YWHAG: variants seen among roughly 807,000 people sequenced by gnomAD.
The protein encoded by YWHAG is tyrosine 3-monooxygenase/tryptophan 5-monooxygenase activation protein gamma.
A neutral mutation model predicts 23.3 loss-of-function variants in YWHAG; 1 was observed. That is an observed-to-expected ratio of 0.04 (90% CI 0.02 to 0.20). The LOEUF (loss-of-function observed/expected upper bound fraction) is 0.20. Ranked by LOEUF, YWHAG falls within the 10% of genes least tolerant of loss-of-function variation. The pLI is 1.00. For missense variants in YWHAG, 151 were observed against 338.6 expected (o/e 0.45, Z 4.35); for synonymous variants, 160 against 144.0 (o/e 1.11, Z -0.80).
rs371142712 is a variant in YWHAG at position 76,327,678 on chromosome 7, C to A, written c.*1899G>T. 1.4e-4 allele frequency: 13 copies of A among 94,920 alleles called. No individual in the cohort carries two copies. Among genetic ancestry groups the A allele is most frequent in the Non-Finnish European group, 2.4e-4 (11 of 46,516 alleles). The allele number at this position is 94,920 out of a possible 1,614,324, so 5.9% of individuals were successfully genotyped here. On this transcript the variant is annotated 3_prime_UTR_variant, in exon 2 of 2. Transcript: ENST00000307630. ...AGCCCCACCTACCCTGCCCCCCCCC[C>A]CCTCCCCCCCCAAATCGTCTTCCTC...
At chr7:76,346,225 G>T (rs1324666260) in intron 1 of YWHAG, among the ~76,000 whole-genome samples, 1 of 152,120 alleles carries the variant, frequency 6.6e-6, no homozygotes, top group African/African-American at 2.4e-5. Context: ...TCCTCCCCTT[G>T]TCAGCCTTCT....
rs79269821 is a variant in YWHAG, at chr7:76,340,475, A to C, written c.88-10242T>G. Among the ~76,000 whole-genome samples the C allele has an allele frequency of 4.9e-3, 748 of 152,336 alleles. 7 individuals carry two copies. The highest frequency in any genetic ancestry group is 0.017 in the African/African-American group (703 of 41,566). ...TTTTTCTCTATCATGTTAAGAAAGT[A>C]TCCATTTAGTCCATATTTTTCTAAT... On this transcript the variant is annotated intron_variant, in intron 1 of 1. Coordinates refer to ENST00000307630, the MANE Select transcript of YWHAG (RefSeq NM_012479.4).
chr7:76,355,550 T>C (rs1311365584), intron 1 of YWHAG, among the ~76,000 whole-genome samples: 1 of 152,182 alleles, frequency 6.6e-6, no homozygotes, highest in African/African-American at 2.4e-5. Context: ...AGAATAATGG[T>C]TGGCAGAACT....
In YWHAG at chr7:76,329,836, T is replaced by C. The variant is rs547605838; in HGVS notation, c.485A>G (p.Lys162Arg). 5.5e-5 allele frequency: 89 copies of C among 1,613,818 alleles called. 3 individuals carry two copies. In the South Asian group the frequency reaches 9.4e-4, roughly 17 times the overall value. The change falls in exon 2 of 2, where the codon AAA (lysine) becomes AGA (arginine). Residue 162 changes from lysine (K) to arginine (R), a missense_variant. Transcript: ENST00000307630. This position sits in a 1 kb window ranked among gnomAD's most constrained non-coding sequence, Gnocchi z 6.1. ...KAYSEAHEISKEHMQPTHPIR... is the reference protein window; with the variant it reads ...KAYSEAHEISREHMQPTHPIR... ...GGGGTGGGTGGGCTGCATGTGCTCT[T>C]TGCTGATCTCGTGGGCTTCGCTGTA...
At chr7:76,335,001 A>G (rs1803596288) in intron 1 of YWHAG, among the ~76,000 whole-genome samples, 1 of 152,222 alleles carries the variant, frequency 6.6e-6, no homozygotes, top group South Asian at 2.1e-4. Flanking sequence ...GTTCTGCTTA[A>G]AAACAAAGTT....
At chr7:76,347,416 G>A (rs1043510537) in intron 1 of YWHAG, among the ~76,000 whole-genome samples, 6 of 152,110 alleles carry the variant, frequency 3.9e-5, no homozygotes, top group Non-Finnish European at 7.3e-5. Flanking sequence ...GACCAACATG[G>A]TGCAACCCTG....
intron 1 of YWHAG, among the ~76,000 whole-genome samples, chr7:76,356,898 G>C (rs1050946483): frequency 6.6e-6 from 1 of 152,124 alleles, no homozygotes; most frequent in South Asian, 2.1e-4. Context: ...GCTAATTTCT[G>C]CATTACCTTG....
chr7:76,351,508 G>A (rs887860537), intron 1 of YWHAG, among the ~76,000 whole-genome samples: 1 of 152,082 alleles, frequency 6.6e-6, no homozygotes, highest in African/African-American at 2.4e-5. Context: ...GGTCCCCAAC[G>A]GGTCCATGGC....
chr7:76,357,241 T>C (rs1803975028), intron 1 of YWHAG, among the ~76,000 whole-genome samples: 2 of 152,214 alleles, frequency 1.3e-5, no homozygotes, highest in African/African-American at 2.4e-5. Flanking sequence ...TTAACATAGC[T>C]GCTTTAAATA....
At chr7:76,336,223 C>A (rs904233488) in intron 1 of YWHAG, among the ~76,000 whole-genome samples, 1 of 152,160 alleles carries the variant, frequency 6.6e-6, no homozygotes, top group Admixed American at 6.5e-5. Context: ...CAGGTGGTGG[C>A]TACATGCCTC....
intron 1 of YWHAG, among the ~76,000 whole-genome samples, chr7:76,349,397 G>A (rs758876903): frequency 1.1e-4 from 16 of 148,266 alleles, no homozygotes; most frequent in South Asian, 2.1e-4. Context: ...GTCCAGACGC[G>A]TTTTGGTCAT....
intron 1 of YWHAG, among the ~76,000 whole-genome samples, chr7:76,341,404 CAAAAAAAAAAAAAAA>C (rs1158151013): frequency 4.5e-5 from 2 of 44,650 alleles, no homozygotes; most frequent in Non-Finnish European, 8.1e-5. Context: ...ACTCTTGCCT[CAAAAAAAAAAAAAAA>C]AAAAAAAAAA....
At chr7:76,348,829 C>T (rs1183961090) in intron 1 of YWHAG, among the ~76,000 whole-genome samples, 1 of 151,596 alleles carries the variant, frequency 6.6e-6, no homozygotes, top group African/African-American at 2.4e-5. Flanking sequence ...CGTGAGTCAG[C>T]CAGCCTCCCA....
rs1366063981 is a variant in YWHAG, at chr7:76,330,099, G to A, written c.222C>T (p.Gly74=). The A allele has an allele frequency of 6.2e-7, 1 of 1,614,018 alleles. No homozygotes were observed. The highest frequency in any genetic ancestry group is 1.7e-5 in the Admixed American group (1 of 60,012). Residue 74 remains glycine, a synonymous_variant, in exon 2 of 2, where the codon GGC becomes GGT. Transcript: ENST00000307630. ...SSIEQKTSAD[G]NEKKIEMVRA... is the part of the protein sequence containing the mutation. ...GGACCATCTCAATCTTCTTCTCATT[G>A]CCGTCTGCAGATGTCTTCTGCTCAA...
chr7:76,336,426 C>A (rs998504882), intron 1 of YWHAG, among the ~76,000 whole-genome samples: 12 of 150,354 alleles, frequency 8.0e-5, no homozygotes, highest in Admixed American at 4.6e-4. Context: ...TACTGTGAAT[C>A]CAAAACTGCT....
At chr7:76,336,031 A>T (rs1290861367) in intron 1 of YWHAG, among the ~76,000 whole-genome samples, 1 of 152,184 alleles carries the variant, frequency 6.6e-6, no homozygotes, top group Non-Finnish European at 1.5e-5. Context: ...GGGCTCAAGC[A>T]ATCAATCCTC....
At chr7:76,338,892 CACG>C (rs1583986439) in intron 1 of YWHAG, among the ~76,000 whole-genome samples, 2 of 152,186 alleles carry the variant, frequency 1.3e-5, no homozygotes, top group Admixed American at 1.3e-4. Flanking sequence ...TGTGCATTCA[CACG>C]ACATTTCTAG....
chr7:76,332,495 A>G (rs1228414290), intron 1 of YWHAG, among the ~76,000 whole-genome samples: 7 of 152,168 alleles, frequency 4.6e-5, no homozygotes, highest in Non-Finnish European at 8.8e-5. Flanking sequence ...AAGGTAATAT[A>G]CAGGTATATC....
At chr7:76,338,578 A>G (rs1385172974) in intron 1 of YWHAG, among the ~76,000 whole-genome samples, 1 of 152,202 alleles carries the variant, frequency 6.6e-6, no homozygotes, top group East Asian at 1.9e-4. Context: ...TTCTATGCTA[A>G]GAGTCTCTGA....
Sources: gnomAD v4.1 joint callset for allele counts (sites outside exome capture counted in the v4.1 genomes callset) on GRCh38, gnomAD v4.1.1 for gene constraint, Gnocchi (gnomAD v3.1) non-coding constraint, MANE v1.5 for transcripts, NCBI Gene and HGNC (gene_info 2026-07-23, HGNC 2026-07-21) for gene names.